NUDT19: variants seen among roughly 807,000 people sequenced by gnomAD.
The protein encoded by NUDT19 is nudix hydrolase 19.
NUDT19 carries 31 observed loss-of-function variants against 22.2 expected under a neutral mutation model. That is an observed-to-expected ratio of 1.40 (90% CI 1.05 to 1.89). NUDT19 has a LOEUF of 1.89. Ranked by LOEUF, NUDT19 falls within the 40% of genes most tolerant of loss-of-function variation. The probability of loss-of-function intolerance (pLI) is 0.00; values close to 1 mark genes in which losing one functional copy is unlikely to be tolerated. For missense variants in NUDT19, 752 were observed against 514.2 expected (o/e 1.46, Z -4.47); for synonymous variants, 325 against 230.8 (o/e 1.41, Z -3.70).
intron 1 of NUDT19, among the ~76,000 whole-genome samples, chr19:32,707,925 C>T (rs1968404455): frequency 6.6e-6 from 1 of 150,850 alleles, no homozygotes. Context: ...TTGCAGTGAG[C>T]TGAGATCACA....
chr19:32,702,015 C>A (rs79954382), intron 1 of NUDT19, among the ~76,000 whole-genome samples: 5,145 of 152,126 alleles, frequency 0.034, 198 homozygotes, highest in East Asian at 0.23. Flanking sequence ...TCCAGGTGTG[C>A]GGGGGTCTGT....
At chr19:32,710,622 G>A (rs1375552242) in intron 2 of NUDT19, among the ~76,000 whole-genome samples, 3 of 151,736 alleles carry the variant, frequency 2.0e-5, no homozygotes, top group African/African-American at 4.8e-5. Context: ...GGCTGGGCGC[G>A]GTGGCTCACA....
chr19:32,693,006 GACTT>G (rs1968218966), intron 1 of NUDT19, among the ~76,000 whole-genome samples: 1 of 149,762 alleles, frequency 6.7e-6, no homozygotes, highest in South Asian at 2.1e-4. Context: ...TTGGAGAACA[GACTT>G]AATATGATCC....
chr19:32,701,696 CTT>C (rs1174151457), intron 1 of NUDT19, among the ~76,000 whole-genome samples: 3 of 152,130 alleles, frequency 2.0e-5, no homozygotes, highest in Non-Finnish European at 4.4e-5. Flanking sequence ...TGGATTAACT[CTT>C]TGATGATTAT....
At chr19:32,697,294 C>G (rs747107980) in intron 1 of NUDT19, among the ~76,000 whole-genome samples, 1 of 152,118 alleles carries the variant, frequency 6.6e-6, no homozygotes, top group Non-Finnish European at 1.5e-5. Flanking sequence ...GTTCAGGGCC[C>G]AGGGCTCGCT....
chr19:32,706,474 G>C (rs961529154), intron 1 of NUDT19, among the ~76,000 whole-genome samples: 1 of 152,104 alleles, frequency 6.6e-6, no homozygotes, highest in Non-Finnish European at 1.5e-5. Context: ...ACCTGAGGTC[G>C]GGAGTTCGAG....
At chr19:32,699,789 G>A (rs531158493) in intron 1 of NUDT19, among the ~76,000 whole-genome samples, 9 of 152,224 alleles carry the variant, frequency 5.9e-5, no homozygotes, top group Admixed American at 1.3e-4. Flanking sequence ...TGAAGCTGCA[G>A]ACCCTTGCGG....
intron 1 of NUDT19, among the ~76,000 whole-genome samples, chr19:32,695,880 GTAAGTGCCAC>G (rs1241953689): frequency 1.3e-5 from 2 of 152,220 alleles, no homozygotes; most frequent in Non-Finnish European, 2.9e-5. Context: ...TAAGGCTCGG[GTAAGTGCCAC>G]TAGTTCTGCT....
intron 1 of NUDT19, among the ~76,000 whole-genome samples, chr19:32,704,238 G>A (rs911636315): frequency 2.0e-5 from 3 of 151,910 alleles, no homozygotes; most frequent in African/African-American, 7.3e-5. Context: ...TTTCTTAGGA[G>A]AGGTCTGTTA....
chr19:32,693,031 TTTTTA>T (rs1216907102), intron 1 of NUDT19, among the ~76,000 whole-genome samples: 1 of 152,198 alleles, frequency 6.6e-6, no homozygotes, highest in Non-Finnish European at 1.5e-5. Flanking sequence ...AGTCTTCCTA[TTTTTA>T]TTTATTTTTG....
At chr19:32,709,138 T>C (rs368484659) in intron 1 of NUDT19, 47 bp from the exon 2 acceptor site, 3 of 1,314,626 alleles carry the variant, frequency 2.3e-6, no homozygotes, top group East Asian at 2.3e-5. Context: ...AAGTCTCACA[T>C]TGTCTATGGC....
At chr19:32,710,731 T>C (rs902386880) in intron 2 of NUDT19, among the ~76,000 whole-genome samples, 4 of 150,076 alleles carry the variant, frequency 2.7e-5, no homozygotes, top group African/African-American at 9.8e-5. Context: ...CCGTCTCTAC[T>C]AATAATACAA....
Position 32,692,053 on chromosome 19 carries a change from C to G in NUDT19, c.93C>G (p.Thr31=). The G allele has an allele frequency of 7.8e-7, 1 of 1,289,122 alleles. No homozygotes were observed. Among genetic ancestry groups the G allele is most frequent in the Non-Finnish European group, 9.8e-7 (1 of 1,023,146 alleles). The allele number at this position is 1,289,122 out of a possible 1,614,324, so 79.9% of individuals were successfully genotyped here. The change falls in exon 1 of 3, where the codon ACC becomes ACG. Residue 31 remains threonine, a synonymous_variant. Transcript: ENST00000397061. The stretch of plus-strand genomic sequence containing the variant: ...GCTGGTCGCGCCCGGAGACCGCCAC[C>G]CCGCCGTCGCGCCCGCCGCCGGCCG... ...AAGWSRPETA[T]PPSRPPPAEG...
At chr19:32,707,704 C>T (rs984348739) in intron 1 of NUDT19, among the ~76,000 whole-genome samples, 5 of 152,070 alleles carry the variant, frequency 3.3e-5, no homozygotes, top group Admixed American at 6.6e-5. Context: ...TTAGGCCGGG[C>T]GCGGTGGCTC....
intron 1 of NUDT19, among the ~76,000 whole-genome samples, chr19:32,695,106 C>G (rs566894387): frequency 6.6e-6 from 1 of 152,236 alleles, no homozygotes. Flanking sequence ...CTTGTTTACA[C>G]TGACAACAAG....
In NUDT19 at chr19:32,700,672, G is replaced by A. The variant is rs369290012; in HGVS notation, c.714+7998G>A. ...CTTGAACTCCTGGCCTCAAGCGACC[G>A]TCCAGCTTCAGCCTCCCAAAGTCTT... On this transcript the variant is annotated intron_variant, in intron 1 of 2. Transcript: ENST00000397061. 1.1e-3 allele frequency among the ~76,000 whole-genome samples: 163 copies of A among 152,208 alleles called. 1 individual carries two copies. In the South Asian group the frequency reaches 0.013, roughly 12 times the overall value.
intron 1 of NUDT19, among the ~76,000 whole-genome samples, chr19:32,694,756 A>G (rs1394026542): frequency 2.0e-5 from 3 of 152,250 alleles, no homozygotes; most frequent in Non-Finnish European, 4.4e-5. Context: ...CGTTCAGTCC[A>G]TATTCACTTA....
Position 32,692,149 on chromosome 19 carries a change from C to G in NUDT19, c.189C>G (p.Ser63=). Residue 63 remains serine (S), a synonymous_variant, in exon 1 of 3, where the codon TCC becomes TCG. Transcript: ENST00000397061. ...TCATGCCGGGCGCGCACGTCTTCTC[C>G]GGCGGAGTGCTGGATGCGGCCGACC... ...QGFMPGAHVF[S]GGVLDAADRS... 2.0e-6 allele frequency: 3 copies of G among 1,503,754 alleles called. No individual in the cohort carries two copies. The highest frequency in any genetic ancestry group is 1.8e-6 in the Non-Finnish European group (2 of 1,135,882). 93.2% of individuals were successfully genotyped at this position (1,503,754 alleles called of 1,614,324 possible). A position where few individuals can be genotyped will look rare whatever the true frequency, so the allele number is the denominator to read the frequency against.
At position 32,691,956 on chromosome 19, in the gene NUDT19, G is replaced by C. The variant is rs139628009; in HGVS notation, c.-5G>C. 2.5e-6 allele frequency: 3 copies of C among 1,219,020 alleles called. No homozygotes were observed. Among genetic ancestry groups the C allele is most frequent in the Non-Finnish European group, 2.0e-6 (2 of 979,824 alleles). The allele number at this position is 1,219,020 out of a possible 1,614,324, so 75.5% of individuals were successfully genotyped here. On this transcript the variant is annotated 5_prime_UTR_variant, in exon 1 of 3. Coordinates refer to ENST00000397061, the MANE Select transcript of NUDT19 (RefSeq NM_001105570.2). Reference sequence around the variant, plus strand: ...GCCAGAATCGGATCCGGGAAGCTGCGCGCCATGAGCAGCTCCCTGCGGCCG... The same window carrying C: ...GCCAGAATCGGATCCGGGAAGCTGCCCGCCATGAGCAGCTCCCTGCGGCCG...
Sources: gnomAD v4.1 joint callset for allele counts (sites outside exome capture counted in the v4.1 genomes callset) on GRCh38, gnomAD v4.1.1 for gene constraint, MANE v1.5 for transcripts, NCBI Gene and HGNC (gene_info 2026-07-23, HGNC 2026-07-21) for gene names.